The following ERC2 variants were observed in gnomAD, a reference collection of about 807,000 sequenced individuals.
ERC2 encodes ELKS/RAB6-interacting/CAST family member 2.
ERC2 carries 42 observed loss-of-function variants against 114.8 expected under a neutral mutation model. The ratio of observed to expected loss-of-function variants is 0.37; its 90% CI spans 0.29 to 0.47. The LOEUF (loss-of-function observed/expected upper bound fraction) is 0.47. Ranked by LOEUF, ERC2 falls within the 20% of genes least tolerant of loss-of-function variation. ERC2 has a pLI of 0.99. For synonymous variants in ERC2, 454 were observed against 425.5 expected, an observed-to-expected ratio of 1.07 and a Z score of -0.82; for missense variants, 939 against 1,150.7, an observed-to-expected ratio of 0.82 and a Z score of 2.66.
intron 13 of ERC2, among the ~76,000 whole-genome samples, chr3:55,947,804 T>C (rs551137253): frequency 7.9e-4 from 120 of 152,270 alleles, no homozygotes; most frequent in African/African-American, 2.9e-3. Context: ...CACAGCATTA[T>C]TATGGCAATT....
chr3:56,019,265 G>T (rs1417053732), intron 7 of ERC2, among the ~76,000 whole-genome samples: 1 of 152,060 alleles, frequency 6.6e-6, no homozygotes, highest in Admixed American at 6.6e-5. Context: ...CCATACAACG[G>T]TAAGCCCTTC....
chr3:56,078,054 A>G (rs535295370), intron 7 of ERC2, among the ~76,000 whole-genome samples: 1 of 152,334 alleles, frequency 6.6e-6, no homozygotes, highest in South Asian at 2.1e-4. Flanking sequence ...TCCTTAGAAC[A>G]TGCTCCAAGA....
chr3:56,213,287 G>A (rs537741786), intron 3 of ERC2, among the ~76,000 whole-genome samples: 1 of 152,300 alleles, frequency 6.6e-6, no homozygotes, highest in South Asian at 2.1e-4. Context: ...GGTGACAGAT[G>A]GCACCTGGAA....
At chr3:56,350,594 C>T (rs2058516532) in intron 2 of ERC2, among the ~76,000 whole-genome samples, 1 of 152,060 alleles carries the variant, frequency 6.6e-6, no homozygotes, top group Admixed American at 6.5e-5. Context: ...ATGGTAGAGA[C>T]ACCAAATGCT....
Position 55,651,875 on chromosome 3 carries a change from A to G in ERC2, c.*39+31919T>C, listed in dbSNP as rs976759055. ...GTTAAAGGTCCAAGGCTTTTCACAG[A>G]TTGCAAAAAAGGCAAAATCCCAGCA... On this transcript the variant is annotated intron_variant, in intron 17 of 17. Coordinates refer to ENST00000288221, the MANE Select transcript of ERC2 (RefSeq NM_015576.3). Among the ~76,000 whole-genome samples the G allele has an allele frequency of 2.6e-5, 4 of 152,236 alleles. No homozygotes were observed. The South Asian group carries it at 8.3e-4, about 32-fold the overall frequency.
chr3:56,030,837 G>C (rs1311410963), intron 7 of ERC2, among the ~76,000 whole-genome samples: 2 of 152,184 alleles, frequency 1.3e-5, no homozygotes, highest in South Asian at 2.1e-4. Flanking sequence ...TCAGTGAAGA[G>C]AGTAAGAACA....
At chr3:55,890,719 C>A (rs2063559233) in intron 13 of ERC2, among the ~76,000 whole-genome samples, 1 of 152,210 alleles carries the variant, frequency 6.6e-6, no homozygotes, top group Non-Finnish European at 1.5e-5. Context: ...TGGCCTCCAA[C>A]ATCAGTAACT....
chr3:56,124,870 G>A (rs546339132), intron 6 of ERC2, among the ~76,000 whole-genome samples: 4 of 152,138 alleles, frequency 2.6e-5, no homozygotes, highest in Admixed American at 6.6e-5. Context: ...TTCTATAACT[G>A]AACAAAAGAA....
In ERC2 at chr3:56,229,862, C is replaced by CTTTT. The variant is rs34357962; in HGVS notation, c.1075-56346_1075-56343dup. Among the ~76,000 whole-genome samples the CTTTT allele has an allele frequency of 2.8e-3, 159 of 56,634 alleles. 30 individuals are homozygous for CTTTT. The highest frequency in any genetic ancestry group is 0.015 in the South Asian group (18 of 1,218). The allele number at this position is 56,634 out of a possible 152,430, so 37.2% of individuals were successfully genotyped here. ...TTTTCTCCTTTGGCAAATATCTAGT[C>CTTTT]TTTTTTTTTTTTTTTTTTTTTTTTT... On this transcript the variant is annotated intron_variant, in intron 3 of 17. Transcript: ENST00000288221.
chr3:55,552,414 C>T (rs1320968101), intron 17 of ERC2, among the ~76,000 whole-genome samples: 1 of 152,168 alleles, frequency 6.6e-6, no homozygotes, highest in African/African-American at 2.4e-5. Context: ...TCTCTTTTCC[C>T]TTCTTCCTCC....
intron 14 of ERC2, among the ~76,000 whole-genome samples, chr3:55,821,388 G>C (rs996565886): frequency 6.6e-6 from 1 of 152,188 alleles, no homozygotes; most frequent in Non-Finnish European, 1.5e-5. Context: ...AAATGAGCTT[G>C]ATGAGAATCG....
intron 14 of ERC2, among the ~76,000 whole-genome samples, chr3:55,885,225 T>C (rs1475741368): frequency 1.3e-5 from 2 of 152,206 alleles, no homozygotes. Context: ...CCAACAATGA[T>C]AATACCCATC....
chr3:56,085,464 A>G (rs2077455318), intron 6 of ERC2, among the ~76,000 whole-genome samples: 1 of 152,156 alleles, frequency 6.6e-6, no homozygotes. Flanking sequence ...GCCCCTTCTC[A>G]CATAATAGCC....
At chr3:56,047,126 C>G (rs1171714715) in intron 7 of ERC2, among the ~76,000 whole-genome samples, 1 of 152,180 alleles carries the variant, frequency 6.6e-6, no homozygotes, top group African/African-American at 2.4e-5. Context: ...TTTAAAGAAG[C>G]AATCTGCTTT....
intron 2 of ERC2, among the ~76,000 whole-genome samples, chr3:56,425,560 CTTTTTTT>C (rs67210393): frequency 2.4e-5 from 3 of 124,002 alleles, no homozygotes; most frequent in Non-Finnish European, 4.9e-5. Flanking sequence ...GACCCTTTTT[CTTTTTTT>C]TTTTTTTTTT....
chr3:56,081,583 A>T (rs1232662742), intron 6 of ERC2, among the ~76,000 whole-genome samples: 1 of 152,198 alleles, frequency 6.6e-6, no homozygotes, highest in Non-Finnish European at 1.5e-5. Context: ...GAAAAAGACA[A>T]AGCATACAAA....
intron 14 of ERC2, among the ~76,000 whole-genome samples, chr3:55,791,114 T>C (rs1377445988): frequency 1.3e-5 from 2 of 152,202 alleles, no homozygotes; most frequent in Non-Finnish European, 2.9e-5. Flanking sequence ...ATGTAATTCT[T>C]TGTGACTAAA....
intron 2 of ERC2, among the ~76,000 whole-genome samples, chr3:56,335,573 T>C (rs988868320): frequency 6.6e-6 from 1 of 152,160 alleles, no homozygotes; most frequent in African/African-American, 2.4e-5. Context: ...TAAGACAAAA[T>C]GCAATATCGT....
chr3:55,716,868 G>A (rs1318305058), intron 15 of ERC2, among the ~76,000 whole-genome samples: 1 of 152,164 alleles, frequency 6.6e-6, no homozygotes. Context: ...AGGTGAATTT[G>A]CAAGGCTATC....
Sources: allele counts gnomAD v4.1 joint callset (sites outside exome capture counted in the v4.1 genomes callset), GRCh38; gene constraint gnomAD v4.1.1; transcripts MANE v1.5; gene names NCBI Gene and HGNC (gene_info 2026-07-23, HGNC 2026-07-21).